Variants in CASKIN1 observed in about 807,000 individuals in gnomAD.
The protein encoded by CASKIN1 is caskin-1.
CASKIN1 carries 42 observed loss-of-function variants against 117.5 expected under a neutral mutation model. The observed-to-expected ratio is 0.36, with a 90% CI of 0.28 to 0.46. CASKIN1 has a LOEUF of 0.46. Ranked by LOEUF, CASKIN1 falls within the 20% of genes least tolerant of loss-of-function variation. The pLI, the probability that CASKIN1 is intolerant of heterozygous loss-of-function variation, is 1.00. For missense variants in CASKIN1, 2,083 were observed against 2,077.3 expected (o/e 1.00, Z -0.05); for synonymous variants, 1,148 against 961.7 (o/e 1.19, Z -3.59).
chr16:2,187,115 C>G, intron 8 of CASKIN1, 43 bp from the exon 9 acceptor site: 3 of 1,612,808 alleles, frequency 1.9e-6, no homozygotes, highest in South Asian at 1.1e-5. Flanking sequence ...GCGGGCTGAT[C>G]TGGCCCAGCC....
Position 2,189,570 on chromosome 16 carries a change from G to T in CASKIN1, c.245-6C>A. 1 of 1,595,614 alleles carries T rather than the reference G, an allele frequency of 6.3e-7. No homozygotes were observed. Among genetic ancestry groups the T allele is most frequent in the Non-Finnish European group, 8.5e-7 (1 of 1,172,696 alleles). On this transcript the variant is annotated splice_region_variant and splice_polypyrimidine_tract_variant and intron_variant, in intron 3 of 19. Coordinates refer to ENST00000343516, the MANE Select transcript of CASKIN1 (RefSeq NM_020764.4). ...ATAGTGCAGCGGCCGCATGCCTGGG[G>T]GGCGAGGGGATGCTGGGAGCTGACC...
chr16:2,185,374 C>G lies in CASKIN1; in HGVS notation c.1083G>C (p.Gln361His), dbSNP rs202081252. 4.3e-6 allele frequency: 7 copies of G among 1,611,464 alleles called. No homozygotes were observed. The Admixed American group carries it at 8.4e-5, about 19-fold the overall frequency. ...SRAGTEPSLP[Q>H]GSSSSGPSAP... Reference sequence around the variant, plus strand: ...CAGAGGGTCCCGATGAGCTGCTTCCCTGGGGCAGGCTTGGTTCAGTGCCTG... The same window carrying G: ...CAGAGGGTCCCGATGAGCTGCTTCCGTGGGGCAGGCTTGGTTCAGTGCCTG... Residue 361 changes from glutamine (Q) to histidine (H), a missense_variant, in exon 11 of 20, where the codon CAG (glutamine) becomes CAC (histidine). Coordinates refer to ENST00000343516, the MANE Select transcript of CASKIN1 (RefSeq NM_020764.4).
Position 2,187,292 on chromosome 16 carries a change from G to A in CASKIN1, c.727-18C>T. On this transcript the variant is annotated intron_variant, in intron 7 of 19. Coordinates refer to ENST00000343516, the MANE Select transcript of CASKIN1 (RefSeq NM_020764.4). Reference sequence around the variant, plus strand: ...ATCCCGCTCTGCACATGTGAGAGATGAGGCTCTGTCAGGAGCCCCTACAGT... The same window carrying A: ...ATCCCGCTCTGCACATGTGAGAGATAAGGCTCTGTCAGGAGCCCCTACAGT... 3.1e-6 allele frequency: 5 copies of A among 1,613,944 alleles called. No homozygotes were observed. Among genetic ancestry groups the A allele is most frequent in the South Asian group, 1.1e-5 (1 of 91,088 alleles).
Position 2,190,293 on chromosome 16 carries a change from G to A in CASKIN1, c.146+14C>T, listed in dbSNP as rs556921260. ...CCTCCCTTCCAGGCAGGCACCACCC[G>A]GCTCAGAACTCACCCATCCGGGTCC... On this transcript the variant is annotated intron_variant, in intron 2 of 19. Transcript: ENST00000343516. The A allele has an allele frequency of 6.4e-5, 101 of 1,576,400 alleles. No individual in the cohort carries two copies. The highest frequency in any genetic ancestry group is 1.1e-4 in the South Asian group (10 of 87,040).
At chr16:2,183,971 T>C in intron 14 of CASKIN1, 30 bp from the exon 15 acceptor site, 1 of 1,480,252 alleles carries the variant, frequency 6.8e-7, no homozygotes, top group Non-Finnish European at 9.1e-7. Context: ...CACTGCAGGC[T>C]CGCCTGCCCG....
chr16:2,178,206 C>A lies in CASKIN1; in HGVS notation c.*344G>T. 1 of 434,136 alleles carries A rather than the reference C, an allele frequency of 2.3e-6. No homozygotes were observed. The highest frequency in any genetic ancestry group is 1.9e-5 in the South Asian group (1 of 51,958). 26.9% of individuals were successfully genotyped at this position (434,136 alleles called of 1,614,324 possible). On this transcript the variant is annotated 3_prime_UTR_variant, in exon 20 of 20. Coordinates refer to ENST00000343516, the MANE Select transcript of CASKIN1 (RefSeq NM_020764.4). The stretch of plus-strand genomic sequence containing the variant: ...CTTGTGCTGCGCCCGAGCGGCTGGC[C>A]GGGCGTCCCGATGGGCAGTTCTGTG...
In CASKIN1 at chr16:2,187,387, C is replaced by T; in HGVS notation, c.692G>A (p.Cys231Tyr). Residue 231 changes from cysteine to tyrosine, a missense_variant, in exon 7 of 20, where the codon TGC (cysteine) becomes TAC (tyrosine). Cys to Tyr is a radical substitution (Grantham distance 194). Around this residue, in one of 3 missense-constraint regions of CASKIN1, gnomAD observed 203 missense variants for 338.7 expected, o/e 0.60. Coordinates refer to ENST00000343516, the MANE Select transcript of CASKIN1 (RefSeq NM_020764.4). Reference sequence around the variant, plus strand: ...CAGCCGCACCACCTCTGTCTTTCCGCAGAGCGCAGCCTCGTGCAGGGCCGT... The same window carrying T: ...CAGCCGCACCACCTCTGTCTTTCCGTAGAGCGCAGCCTCGTGCAGGGCCGT... The part of the protein sequence containing the change: ...SGTALHEAAL[C>Y]GKTEVVRLLL... 6.2e-7 allele frequency: 1 copy of T among 1,612,376 alleles called. No homozygotes were observed. The highest frequency in any genetic ancestry group is 8.5e-7 in the Non-Finnish European group (1 of 1,179,858).
rs1263325578 is a variant in CASKIN1, at chr16:2,184,818, C to T, written c.1375G>A (p.Glu459Lys). 1 of 1,543,656 alleles carries T rather than the reference C, an allele frequency of 6.5e-7. No individual in the cohort carries two copies. Among genetic ancestry groups the T allele is most frequent in the Non-Finnish European group, 8.7e-7 (1 of 1,144,338 alleles). ...PVAHAGQVYG[E>K]QPPKKLEPAS... The stretch of plus-strand genomic sequence containing the variant: ...GGCTCCAGCTTCTTGGGCGGCTGCT[C>T]CCCATAGACCTGCCCGGCGTGGGCC... The change falls in exon 14 of 20, where the codon GAG (glutamate) becomes AAG (lysine). Residue 459 changes from glutamate (E) to lysine (K), a missense_variant. Physicochemically the swap from Glu to Lys is moderately conservative, Grantham distance 56. Coordinates refer to ENST00000343516, the MANE Select transcript of CASKIN1 (RefSeq NM_020764.4).
chr16:2,180,493 T>G lies in CASKIN1; in HGVS notation c.2875A>C (p.Ser959Arg). ...ACCGGCTCATCCGCCAGGTTGGCAC[T>G]AGCCAGGGCCGAGCTGGAGCGCTTG... ...PPKRSSSALA[S>R]ANLADEPVPD... Residue 959 changes from serine (S) to arginine (R), a missense_variant, in exon 18 of 20, where the codon AGT becomes CGT. By Grantham distance (110) the Ser-to-Arg change is moderately radical (BLOSUM62 -1). Coordinates refer to ENST00000343516, the MANE Select transcript of CASKIN1 (RefSeq NM_020764.4). 1 of 1,550,010 alleles carries G rather than the reference T, an allele frequency of 6.5e-7. No individual in the cohort carries two copies. Among genetic ancestry groups the G allele is most frequent in the Non-Finnish European group, 8.7e-7 (1 of 1,153,958 alleles).
At chr16:2,188,070 G>A (rs1041416031) in intron 6 of CASKIN1, among the ~76,000 whole-genome samples, 1 of 121,520 alleles carries the variant, frequency 8.2e-6, no homozygotes, top group Non-Finnish European at 1.8e-5. Flanking sequence ...TTTTGCCTTT[G>A]TTTTTGTAAA....
Position 2,183,903 on chromosome 16 carries a change from C to G in CASKIN1, c.1455G>C (p.Gln485His), listed in dbSNP as rs1407817122. ...EAVSQWLTAF[Q>H]LQLYAPNFIS... ...TGAAGTTGGGGGCGTAGAGCTGCAG[C>G]TGGAACGCGGTGAGCCACTGGCTCA... The change falls in exon 15 of 20, where the codon CAG becomes CAC. Residue 485 changes from glutamine (Q) to histidine (H), a missense_variant. By Grantham distance (24) the Gln-to-His change is conservative. Coordinates refer to ENST00000343516, the MANE Select transcript of CASKIN1 (RefSeq NM_020764.4). 6.2e-7 allele frequency: 1 copy of G among 1,610,432 alleles called. No homozygotes were observed. The highest frequency in any genetic ancestry group is 8.5e-7 in the Non-Finnish European group (1 of 1,179,492).
rs917862443 is a variant in CASKIN1 at position 2,183,698 on chromosome 16, G to A, written c.1577C>T (p.Ala526Val). 22 of 1,613,278 alleles carry A rather than the reference G, an allele frequency of 1.4e-5. No individual in the cohort carries two copies. The highest frequency in any genetic ancestry group is 5.3e-5 in the African/African-American group (4 of 74,944). ...GATGCTTAGGCCGCTGATCTCTGCC[G>A]CGATCTTCTTCCGGTGGCCCGGCTT... The part of the protein sequence containing the change: ...VTKPGHRKKI[A>V]AEISGLSIPD... The change falls in exon 16 of 20, where the codon GCG becomes GTG. Residue 526 changes from alanine (A) to valine (V), a missense_variant. This residue lies in a region of CASKIN1 where 1,818 missense variants were observed against 1,688.9 expected (regional missense o/e 1.08). Coordinates refer to ENST00000343516, the MANE Select transcript of CASKIN1 (RefSeq NM_020764.4).
chr16:2,188,751 C>T (rs902034511), intron 6 of CASKIN1: 1 of 425,140 alleles, frequency 2.4e-6, no homozygotes, highest in Non-Finnish European at 4.2e-6. Context: ...CCCCACTTTA[C>T]GGATGGGAAA....
rs777502398 is a variant in CASKIN1, at chr16:2,183,869, C to T, written c.1489G>A (p.Gly497Ser). ...QLYAPNFISA[G>S]YDLPTISRMT... is the part of the protein sequence containing the mutation. The stretch of plus-strand genomic sequence containing the variant: ...CGGCTGATGGTGGGCAGGTCGTAGC[C>T]GGCGCTGATGAAGTTGGGGGCGTAG... The change falls in exon 15 of 20, where the codon GGC becomes AGC. Residue 497 changes from glycine to serine, a missense_variant. Around this residue, in one of 3 missense-constraint regions of CASKIN1, gnomAD observed 1,818 missense variants for 1,688.9 expected, o/e 1.08. Transcript: ENST00000343516. 6.8e-6 allele frequency: 11 copies of T among 1,612,506 alleles called. No homozygotes were observed. The highest frequency in any genetic ancestry group is 3.3e-5 in the Admixed American group (2 of 59,974).
chr16:2,178,724 T>C (rs1281424294), intron 19 of CASKIN1, 78 bp from the exon 20 acceptor site: 5 of 1,377,350 alleles, frequency 3.6e-6, no homozygotes, highest in South Asian at 2.7e-5. Flanking sequence ...CACGCCCACG[T>C]CCCGCATCTC....
At position 2,181,532 on chromosome 16, in the gene CASKIN1, C is replaced by T. The variant is rs2093168102; in HGVS notation, c.1836G>A (p.Lys612=). The change falls in exon 18 of 20, where the codon AAG becomes AAA. Residue 612 remains lysine (K), a synonymous_variant. Transcript: ENST00000343516. ...TCCGGCGCAGGGGGCCCCCCTCATACTTGGCGTATTCAGCCTTCTGCAGCT... is the reference window on the plus strand; with the variant it reads ...TCCGGCGCAGGGGGCCCCCCTCATATTTGGCGTATTCAGCCTTCTGCAGCT... The part of the protein sequence containing the change: ...LAELQKAEYA[K]YEGGPLRRKA... 1 of 1,602,470 alleles carries T rather than the reference C, an allele frequency of 6.2e-7. No individual in the cohort carries two copies. The highest frequency in any genetic ancestry group is 1.3e-5 in the African/African-American group (1 of 74,816).
intron 16 of CASKIN1, 77 bp downstream of exon 16, chr16:2,183,569 G>C (rs530203796): frequency 6.9e-6 from 10 of 1,440,562 alleles, no homozygotes; most frequent in Non-Finnish European, 9.6e-6. Context: ...GGGAGTTGTG[G>C]CCAGGGAGGC....
chr16:2,181,622 G>C, intron 17 of CASKIN1, 23 bp from the exon 18 acceptor site: 1 of 1,502,388 alleles, frequency 6.7e-7, no homozygotes, highest in Non-Finnish European at 8.9e-7. Flanking sequence ...CAGGGGGCAG[G>C]TCAGGTGGAC....
In CASKIN1 at chr16:2,186,889, C is replaced by A. The variant is rs1173469375; in HGVS notation, c.931-65G>T. 7 of 1,602,672 alleles carry A rather than the reference C, an allele frequency of 4.4e-6. No homozygotes were observed. The East Asian group carries it at 6.7e-5, about 15-fold the overall frequency. On this transcript the variant is annotated intron_variant, in intron 9 of 19. Transcript: ENST00000343516. ...TTTCGCAGAGTCTCCTGCCCAGTGC[C>A]CCCCAGTTGCGGCGGGAGGGTGTTC...
Sources: allele counts gnomAD v4.1 joint callset (sites outside exome capture counted in the v4.1 genomes callset), GRCh38; gene constraint gnomAD v4.1.1; regional missense constraint gnomAD v4.1.1; transcripts MANE v1.5; gene names NCBI Gene and HGNC (gene_info 2026-07-23, HGNC 2026-07-21).